Variants in PLAAT2 observed in about 807,000 individuals in gnomAD.
PLAAT2 encodes phospholipase A and acyltransferase 2, also known as HRAS like suppressor 2.
In PLAAT2, 12 loss-of-function variants were observed where a neutral mutation model predicts 12.8. The observed-to-expected ratio is 0.94, with a 90% confidence interval of 0.60 to 1.52. The LOEUF is 1.52. Ranked by LOEUF, PLAAT2 falls within the 40% of genes most tolerant of loss-of-function variation. The pLI, the probability that PLAAT2 is intolerant of heterozygous loss-of-function variation, is 0.00. For synonymous variants in PLAAT2, 79 were observed against 86.8 expected (o/e 0.91, Z 0.50); for missense variants, 166 against 208.1 (o/e 0.80, Z 1.24).
chr11:63,552,910 G>T lies in PLAAT2; in HGVS notation c.*54C>A. The T allele has an allele frequency of 8.2e-7, 1 of 1,223,888 alleles. No individual in the cohort carries two copies. Among genetic ancestry groups the T allele is most frequent in the Non-Finnish European group, 1.2e-6 (1 of 826,590 alleles). The allele number at this position is 1,223,888 out of a possible 1,614,324, so 75.8% of individuals were successfully genotyped here. On this transcript the variant is annotated 3_prime_UTR_variant, in exon 4 of 4. Transcript: ENST00000255695. ...AGTAAACCAAACTCCACTCCTGCTG[G>T]CTAAATAATATTCCTCCGTAAGAAT...
At chr11:63,555,235 A>G (rs1205667115) in intron 3 of PLAAT2, among the ~76,000 whole-genome samples, 1 of 152,234 alleles carries the variant, frequency 6.6e-6, no homozygotes, top group Admixed American at 6.5e-5. Flanking sequence ...AAGGCACTTC[A>G]GAGTTGTAAG....
At chr11:63,563,458 C>T, upstream of PLAAT2, 1 of 1,031,192 alleles carries the variant, frequency 9.7e-7, no homozygotes, top group Admixed American at 1.9e-5. Flanking sequence ...GTGGCTCACA[C>T]CTGTAATCCC....
chr11:63,561,928 C>T (rs908831532), intron 1 of PLAAT2, among the ~76,000 whole-genome samples: 8 of 152,010 alleles, frequency 5.3e-5, no homozygotes, highest in African/African-American at 1.7e-4. Flanking sequence ...TTAAAACCCA[C>T]GTGTTCATAA....
chr11:63,558,410 G>A lies in PLAAT2; in HGVS notation c.369C>T (p.Gly123=), dbSNP rs201347954. The change falls in exon 3 of 4, where the codon GGC becomes GGT. Residue 123 remains glycine (G), a synonymous_variant. Transcript: ENST00000255695. The part of the protein sequence containing the change: ...CEHFVNHLRY[G]VSRSDQVTGA... ...GATGCACCTGGTCACTGCGGGAGAC[G>A]CCATAGCGCAGATGGTTCACGAAGT... 13 of 1,614,164 alleles carry A rather than the reference G, an allele frequency of 8.1e-6. No homozygotes were observed. The highest frequency in any genetic ancestry group is 1.7e-5 in the Admixed American group (1 of 60,020).
intron 2 of PLAAT2, among the ~76,000 whole-genome samples, chr11:63,559,341 G>A (rs1268643413): frequency 6.6e-6 from 1 of 152,106 alleles, no homozygotes; most frequent in African/African-American, 2.4e-5. Flanking sequence ...CCATTGCCCT[G>A]AGCCAGTGCT....
intron 2 of PLAAT2, among the ~76,000 whole-genome samples, chr11:63,559,461 G>T (rs541812477): frequency 6.6e-6 from 1 of 152,140 alleles, no homozygotes; most frequent in Admixed American, 6.5e-5. Flanking sequence ...CCTGGCCGTG[G>T]CTCTCTTACT....
intron 1 of PLAAT2, among the ~76,000 whole-genome samples, chr11:63,562,406 C>A (rs2017526773): frequency 6.6e-6 from 1 of 152,082 alleles, no homozygotes; most frequent in African/African-American, 2.4e-5. Flanking sequence ...ATACCATTAT[C>A]CTTGGCTAAT....
chr11:63,558,247 ACC>A, intron 3 of PLAAT2, 143 bp downstream of exon 3: 2 of 904,076 alleles, frequency 2.2e-6, no homozygotes, highest in Non-Finnish European at 3.3e-6. Context: ...CAAATGTGAC[ACC>A]CTCAAGGACA....
intron 2 of PLAAT2, 118 bp from the exon 3 acceptor site, chr11:63,558,778 T>C (rs1223945207): frequency 7.9e-6 from 10 of 1,258,348 alleles, no homozygotes; most frequent in African/African-American, 3.0e-5. Flanking sequence ...GACTTGTCCA[T>C]CCTGCCTGGC....
chr11:63,558,787 G>C (rs1461379758), intron 2 of PLAAT2, 127 bp from the exon 3 acceptor site: 48 of 1,174,688 alleles, frequency 4.1e-5, no homozygotes, highest in Non-Finnish European at 5.3e-5. Flanking sequence ...ATCCTGCCTG[G>C]CCTCAAACTT....
chr11:63,558,376 C>T lies in PLAAT2; in HGVS notation c.387+16G>A. The T allele has an allele frequency of 1.9e-6, 3 of 1,610,058 alleles. No homozygotes were observed. Among genetic ancestry groups the T allele is most frequent in the Non-Finnish European group, 2.5e-6 (3 of 1,176,992 alleles). On this transcript the variant is annotated intron_variant, in intron 3 of 3. Coordinates refer to ENST00000255695, the MANE Select transcript of PLAAT2 (RefSeq NM_017878.2). ...TGGCCTGGCTCCTGGGAAGGGGATGCAGGCTGAAGATGCACCTGGTCACTG... is the reference window on the plus strand; with the variant it reads ...TGGCCTGGCTCCTGGGAAGGGGATGTAGGCTGAAGATGCACCTGGTCACTG...
In PLAAT2 at chr11:63,563,324, TC is replaced by T; in HGVS notation, c.-1del. On this transcript the variant is annotated 5_prime_UTR_variant, in exon 1 of 4. Coordinates refer to ENST00000255695, the MANE Select transcript of PLAAT2 (RefSeq NM_017878.2). ...CGTTTCTGGGGACTTACCAAAGCCA[TC>T]CTTCCTTCAAGATGATGTCTTGTGT... 6.2e-7 allele frequency: 1 copy of T among 1,614,132 alleles called. No homozygotes were observed. The highest frequency in any genetic ancestry group is 8.5e-7 in the Non-Finnish European group (1 of 1,180,016).
chr11:63,556,871 C>G (rs2017470775), intron 3 of PLAAT2, among the ~76,000 whole-genome samples: 1 of 152,214 alleles, frequency 6.6e-6, no homozygotes, highest in African/African-American at 2.4e-5. Context: ...CGTCGAGGCT[C>G]CTGCCTCATC....
Position 63,560,396 on chromosome 11 carries a change from G to A in PLAAT2, c.10-203C>T, listed in dbSNP as rs116097492. 2.9e-3 allele frequency among the ~76,000 whole-genome samples: 446 copies of A among 152,326 alleles called. 2 individuals are homozygous for A. The highest frequency in any genetic ancestry group is 0.01 in the African/African-American group (427 of 41,568). On this transcript the variant is annotated intron_variant, in intron 1 of 3. Transcript: ENST00000255695. ...GCAGGACTGAAAAGTTGCTCTTCAG[G>A]GGACAAGGAGGAGATGAAGAGAGTA...
chr11:63,564,844 C>CTGT (rs1491281141), upstream of PLAAT2, among the ~76,000 whole-genome samples: 1 of 150,230 alleles, frequency 6.7e-6, no homozygotes, highest in Non-Finnish European at 1.5e-5. Flanking sequence ...CATCACACCC[C>CTGT]TGTTTCCTGG....
intron 1 of PLAAT2, 68 bp downstream of exon 1, chr11:63,563,248 A>G: frequency 6.3e-7 from 1 of 1,587,174 alleles, no homozygotes; most frequent in South Asian, 1.1e-5. Flanking sequence ...ACAAGAATAC[A>G]CATAATCATC....
chr11:63,563,424 A>G (rs2017536227), upstream of PLAAT2: 1 of 1,475,414 alleles, frequency 6.8e-7, no homozygotes. Context: ...ATATACAACT[A>G]TTTCAGAACA....
chr11:63,563,443 G>T (rs2017536417), upstream of PLAAT2: 2 of 1,299,400 alleles, frequency 1.5e-6, no homozygotes, highest in Non-Finnish European at 2.2e-6. Context: ...CATAGGCTGG[G>T]TGCGGTGGCT....
chr11:63,553,107 G>C, intron 3 of PLAAT2, 42 bp from the exon 4 acceptor site: 2 of 1,298,250 alleles, frequency 1.5e-6, no homozygotes, highest in Non-Finnish European at 2.2e-6. Context: ...GCATCAGGGC[G>C]GGACCACGAT....
Sources: allele counts gnomAD v4.1 joint callset (sites outside exome capture counted in the v4.1 genomes callset), GRCh38; gene constraint gnomAD v4.1.1; transcripts MANE v1.5; gene names NCBI Gene and HGNC (gene_info 2026-07-23, HGNC 2026-07-21).